CNBD1: variants seen among roughly 807,000 people sequenced by gnomAD.
The protein encoded by CNBD1 is cyclic nucleotide binding domain containing 1, also known as cyclic nucleotide-binding domain-containing protein 1.
Under a neutral mutation model 54.4 loss-of-function variants are expected in CNBD1, and 71 were observed. The observed-to-expected ratio is 1.30, with a 90% CI of 1.08 to 1.59. CNBD1 has a LOEUF of 1.59. Ranked by LOEUF, CNBD1 falls within the 40% of genes most tolerant of loss-of-function variation. CNBD1 has a pLI of 0.00. For missense variants in CNBD1, 659 were observed against 518.0 expected, an observed-to-expected ratio of 1.27 and a Z score of -2.64; for synonymous variants, 182 against 170.7, an observed-to-expected ratio of 1.07 and a Z score of -0.51.
intron 4 of CNBD1, among the ~76,000 whole-genome samples, chr8:87,090,507 A>G (rs1379412025): frequency 1.3e-5 from 2 of 152,150 alleles, no homozygotes. Flanking sequence ...TTATATTTGG[A>G]TGTAGTGGAT....
chr8:86,944,229 C>T (rs938873115), intron 4 of CNBD1, among the ~76,000 whole-genome samples: 4 of 152,134 alleles, frequency 2.6e-5, no homozygotes, highest in Admixed American at 1.3e-4. Flanking sequence ...AATTTTGACT[C>T]ATTTTATTTT....
At chr8:87,046,638 C>A (rs138631411) in intron 4 of CNBD1, among the ~76,000 whole-genome samples, 1 of 152,066 alleles carries the variant, frequency 6.6e-6, no homozygotes, top group African/African-American at 2.4e-5. Context: ...GTCTTTGCAT[C>A]CGCTTCATAA....
At chr8:86,898,138 C>G (rs1472622129) in intron 2 of CNBD1, among the ~76,000 whole-genome samples, 2 of 152,050 alleles carry the variant, frequency 1.3e-5, no homozygotes, top group Non-Finnish European at 2.9e-5. Context: ...TATGGTATAT[C>G]TTTTGTATAC....
intron 8 of CNBD1, among the ~76,000 whole-genome samples, chr8:87,339,473 T>C (rs1810021004): frequency 6.6e-6 from 1 of 152,188 alleles, no homozygotes; most frequent in African/African-American, 2.4e-5. Context: ...TCTGGGGCAG[T>C]GGTTTTCTCT....
intron 2 of CNBD1, among the ~76,000 whole-genome samples, chr8:87,416,275 A>G (rs1807832125): frequency 6.6e-6 from 1 of 152,090 alleles, no homozygotes; most frequent in Admixed American, 6.6e-5. Context: ...AGCAAAAATG[A>G]CAAAATAAGG....
At chr8:87,064,699 GTTA>G (rs941675357) in intron 4 of CNBD1, among the ~76,000 whole-genome samples, 50 of 151,850 alleles carry the variant, frequency 3.3e-4, no homozygotes, top group African/African-American at 1.1e-3. Context: ...GTCTGAAAAT[GTTA>G]TTATTTACTT....
intron 2 of CNBD1, among the ~76,000 whole-genome samples, chr8:87,414,937 A>T (rs1427146107): frequency 6.6e-6 from 1 of 152,002 alleles, no homozygotes; most frequent in African/African-American, 2.4e-5. Context: ...CTGACCTGGA[A>T]CTGTTATTCC....
intron 6 of CNBD1, among the ~76,000 whole-genome samples, chr8:87,275,172 C>A (rs967118911): frequency 1.4e-5 from 2 of 141,110 alleles, no homozygotes; most frequent in Admixed American, 1.4e-4. Flanking sequence ...TTTTGGTTAC[C>A]GTAGCCTTGT....
At chr8:86,977,572 GAATT>G (rs1808370813) in intron 4 of CNBD1, among the ~76,000 whole-genome samples, 1 of 152,040 alleles carries the variant, frequency 6.6e-6, no homozygotes, top group Admixed American at 6.6e-5. Context: ...GAAGTAAAGA[GAATT>G]AATTTAATTA....
chr8:87,103,409 A>G (rs992552308), intron 4 of CNBD1, among the ~76,000 whole-genome samples: 5 of 152,220 alleles, frequency 3.3e-5, no homozygotes, highest in Admixed American at 6.5e-5. Flanking sequence ...TAAATAGAGA[A>G]AGATGATTGT....
intron 4 of CNBD1, among the ~76,000 whole-genome samples, chr8:87,043,108 A>C (rs1164316062): frequency 6.6e-6 from 1 of 152,224 alleles, no homozygotes; most frequent in East Asian, 1.9e-4. Flanking sequence ...CTGTCTGCAG[A>C]GGCAGGGGCC....
At chr8:86,999,762 T>C (rs1808954751) in intron 4 of CNBD1, among the ~76,000 whole-genome samples, 1 of 152,144 alleles carries the variant, frequency 6.6e-6, no homozygotes, top group Admixed American at 6.5e-5. Flanking sequence ...TGAGATAAAA[T>C]TGGATATTTC....
In CNBD1 at chr8:87,232,397, G is replaced by T. The variant is rs114046694; in HGVS notation, c.578-4522G>T. Among the ~76,000 whole-genome samples the T allele has an allele frequency of 4.6e-3, 701 of 152,272 alleles. 3 individuals carry two copies. Among genetic ancestry groups the T allele is most frequent in the African/African-American group, 0.015 (643 of 41,566 alleles). ...TAATTTATACTCCCAGTAACAATGT[G>T]TGAGAATTCTAGATGTTTCACATCT... is the stretch of plus-strand genomic sequence containing the variant. On this transcript the variant is annotated intron_variant, in intron 5 of 10. Coordinates refer to ENST00000518476, the MANE Select transcript of CNBD1 (RefSeq NM_173538.3).
intron 8 of CNBD1, among the ~76,000 whole-genome samples, chr8:87,298,980 C>T (rs1358955334): frequency 6.6e-6 from 1 of 152,118 alleles, no homozygotes; most frequent in Non-Finnish European, 1.5e-5. Context: ...TTTACCATTC[C>T]AAGATTAGAC....
intron 4 of CNBD1, among the ~76,000 whole-genome samples, chr8:87,005,788 T>C (rs949890800): frequency 6.6e-6 from 1 of 152,042 alleles, no homozygotes; most frequent in Non-Finnish European, 1.5e-5. Flanking sequence ...TCATTAGGGA[T>C]GAGGGCCTGT....
Position 87,038,324 on chromosome 8 carries a change from G to A in CNBD1, c.431+98570G>A, listed in dbSNP as rs141080337. Among the ~76,000 whole-genome samples the A allele has an allele frequency of 2.0e-3, 310 of 152,200 alleles. 1 individual carries two copies. The highest frequency in any genetic ancestry group is 6.8e-3 in the African/African-American group (281 of 41,518). Reference sequence around the variant, plus strand: ...AGCCAAGTCACTGAGTTTAATTGACGCGAGACTGGCTACACCATGTAGGAG... The same window carrying A: ...AGCCAAGTCACTGAGTTTAATTGACACGAGACTGGCTACACCATGTAGGAG... On this transcript the variant is annotated intron_variant, in intron 4 of 10. Coordinates refer to ENST00000518476, the MANE Select transcript of CNBD1 (RefSeq NM_173538.3).
chr8:86,965,243 T>C (rs1406748353), intron 4 of CNBD1, among the ~76,000 whole-genome samples: 1 of 152,124 alleles, frequency 6.6e-6, no homozygotes, highest in African/African-American at 2.4e-5. Flanking sequence ...GAAACAATAA[T>C]AGGAAAGACT....
chr8:86,959,696 C>A (rs1168505903), intron 4 of CNBD1, among the ~76,000 whole-genome samples: 2 of 152,220 alleles, frequency 1.3e-5, no homozygotes, highest in African/African-American at 4.8e-5. Context: ...GTTTTCAGCT[C>A]CATCAGGTCA....
intron 2 of CNBD1, among the ~76,000 whole-genome samples, chr8:87,411,317 T>G (rs1807737765): frequency 6.7e-6 from 1 of 149,686 alleles, no homozygotes; most frequent in Admixed American, 6.7e-5. Flanking sequence ...GTTTAACTTG[T>G]GATTCACCAC....
Sources: allele counts gnomAD v4.1 joint callset (sites outside exome capture counted in the v4.1 genomes callset), GRCh38; gene constraint gnomAD v4.1.1; transcripts MANE v1.5; gene names NCBI Gene and HGNC (gene_info 2026-07-23, HGNC 2026-07-21).